SND1: variants seen among roughly 807,000 people sequenced by gnomAD.
SND1 encodes staphylococcal nuclease domain-containing protein 1.
Under a neutral mutation model 121.7 loss-of-function variants are expected in SND1, and 38 were observed. The ratio of observed to expected loss-of-function variants is 0.31; its 90% CI spans 0.24 to 0.41. The LOEUF (loss-of-function observed/expected upper bound fraction) is 0.41. SND1 is among the 10% of genes least tolerant of loss of function. SND1 has a pLI of 1.00. For synonymous variants in SND1, 401 were observed against 447.4 expected (o/e 0.90, Z 1.31); for missense variants, 868 against 1,184.6 (o/e 0.73, Z 3.92).
intron 1 of SND1, among the ~76,000 whole-genome samples, chr7:127,669,633 T>C (rs1458813908): frequency 3.9e-5 from 6 of 152,214 alleles, no homozygotes; most frequent in Non-Finnish European, 8.8e-5. Context: ...TCTCAGTAGA[T>C]TTACCCCAAA....
At position 128,074,574 on chromosome 7, in the gene SND1, C is replaced by A. The variant is rs1399103943; in HGVS notation, c.1852C>A (p.Leu618Met). Residue 618 changes from leucine to methionine, a missense_variant, in exon 17 of 24, where the codon CTG becomes ATG. Leu to Met is a conservative substitution (Grantham distance 15). Transcript: ENST00000354725. ...CTGGCTGCACATCGACGGTGCCAAC[C>A]TGTCCGTCCTGCTGGTGGAGCACGC... ...IGWLHIDGAN[L>M]SVLLVEHALS... 1 of 1,613,618 alleles carries A rather than the reference C, an allele frequency of 6.2e-7. No homozygotes were observed. Among genetic ancestry groups the A allele is most frequent in the East Asian group, 2.2e-5 (1 of 44,886 alleles).
At chr7:128,040,831 C>A (rs943889077) in intron 16 of SND1, among the ~76,000 whole-genome samples, 6 of 152,228 alleles carry the variant, frequency 3.9e-5, no homozygotes, top group African/African-American at 1.4e-4. Context: ...CTTTCTTGAT[C>A]TGTTGTTCAT....
chr7:127,720,812 T>G (rs1587619167), intron 9 of SND1, among the ~76,000 whole-genome samples: 1 of 152,314 alleles, frequency 6.6e-6, no homozygotes, highest in Middle Eastern at 3.4e-3. Context: ...GCCCTTCACT[T>G]GCCTTTGATT....
intron 12 of SND1, among the ~76,000 whole-genome samples, chr7:127,884,089 A>G (rs947127473): frequency 3.3e-4 from 50 of 152,106 alleles, no homozygotes; most frequent in African/African-American, 1.2e-3. Flanking sequence ...TTTTATTCAA[A>G]CAGTTATAAT....
chr7:127,744,982 A>G (rs1587635210), intron 10 of SND1, among the ~76,000 whole-genome samples: 1 of 152,256 alleles, frequency 6.6e-6, no homozygotes, highest in East Asian at 1.9e-4. Context: ...AACTTCTGTT[A>G]CATTCATAAA....
intron 15 of SND1, among the ~76,000 whole-genome samples, chr7:127,983,492 C>T (rs938434482): frequency 1.3e-5 from 2 of 152,080 alleles, no homozygotes; most frequent in Non-Finnish European, 2.9e-5. Flanking sequence ...ACTCTTGCCT[C>T]CTGTTCCTCT....
intron 12 of SND1, among the ~76,000 whole-genome samples, chr7:127,862,792 G>C (rs1442311555): frequency 1.3e-5 from 2 of 152,190 alleles, no homozygotes; most frequent in Admixed American, 6.5e-5. Flanking sequence ...TGCTGCTGAA[G>C]AGGTGAACAC....
intron 10 of SND1, among the ~76,000 whole-genome samples, chr7:127,802,920 A>G (rs1284873108): frequency 6.6e-6 from 1 of 152,174 alleles, no homozygotes; most frequent in African/African-American, 2.4e-5. Context: ...TTCAGAATGT[A>G]TCCAGTTCTG....
rs1269703885 is a variant in SND1 at position 128,089,581 on chromosome 7, C to A, written c.2511C>A (p.Cys837Ter). 6.2e-7 allele frequency: 1 copy of A among 1,614,108 alleles called. No homozygotes were observed. The highest frequency in any genetic ancestry group is 2.2e-5 in the East Asian group (1 of 44,892). ...ACGTGGAACACCTGAGTGCCGGCTG[C>A]CCCCATGTCACCCTGCAGTTTGCAG... ...LLNVEHLSAGCPHVTLQFADS... is the reference protein window; with the variant it reads ...LLNVEHLSAG The change falls in exon 22 of 24, where the codon TGC becomes TGA. Residue 837 changes from cysteine (C) to a stop codon, truncating the protein, a stop_gained. Coordinates refer to ENST00000354725, the MANE Select transcript of SND1 (RefSeq NM_014390.4). LOFTEE classifies it high-confidence loss of function.
chr7:127,969,868 T>C (rs370978149), intron 15 of SND1, among the ~76,000 whole-genome samples: 11 of 152,252 alleles, frequency 7.2e-5, no homozygotes, highest in Non-Finnish European at 1.3e-4. Flanking sequence ...ATATGCCCTT[T>C]ATAATCCCCG....
At chr7:127,778,194 T>TTTAC (rs1168927929) in intron 10 of SND1, among the ~76,000 whole-genome samples, 3 of 151,482 alleles carry the variant, frequency 2.0e-5, no homozygotes, top group South Asian at 4.2e-4. Flanking sequence ...TATTTATTTA[T>TTTAC]TTATTTATTT....
rs537179620 is a variant in SND1 at position 127,718,487 on chromosome 7, C to T, written c.1039-2800C>T. 2.5e-4 allele frequency: 184 copies of T among 744,384 alleles called. 4 individuals carry two copies. In the Admixed American group the frequency reaches 8.9e-3, roughly 36 times the overall value. 46.1% of individuals were successfully genotyped at this position (744,384 alleles called of 1,614,324 possible). A position where few individuals can be genotyped will look rare whatever the true frequency, so the allele number is the denominator to read the frequency against. On this transcript the variant is annotated intron_variant, in intron 9 of 23. Transcript: ENST00000354725. ...CATAAACCCCACTTATACACACACG[C>T]GGACACGCACGCATGCACTCACCCT...
At chr7:127,700,768 T>A (rs1796086715) in intron 4 of SND1, among the ~76,000 whole-genome samples, 1 of 152,080 alleles carries the variant, frequency 6.6e-6, no homozygotes, top group Non-Finnish European at 1.5e-5. Flanking sequence ...AAAGAGTGGT[T>A]CTTAGTCGGC....
intron 10 of SND1, among the ~76,000 whole-genome samples, chr7:127,729,256 T>C (rs374304607): frequency 3.9e-5 from 6 of 152,254 alleles, no homozygotes; most frequent in Admixed American, 3.9e-4. Flanking sequence ...TTGAAGTTTA[T>C]AGTTGCAGTT....
At chr7:127,744,827 A>T (rs1216030811) in intron 10 of SND1, among the ~76,000 whole-genome samples, 1 of 152,204 alleles carries the variant, frequency 6.6e-6, no homozygotes, top group African/African-American at 2.4e-5. Context: ...CCTGTTTGTA[A>T]AGACACACCC....
chr7:128,006,077 G>A (rs1349013959), intron 16 of SND1, among the ~76,000 whole-genome samples: 3 of 152,190 alleles, frequency 2.0e-5, no homozygotes, highest in African/African-American at 7.2e-5. Flanking sequence ...GACCCTGGGG[G>A]AATGTGAGGT....
chr7:127,940,082 C>G (rs577672188), intron 15 of SND1, among the ~76,000 whole-genome samples: 7 of 152,256 alleles, frequency 4.6e-5, no homozygotes, highest in African/African-American at 1.4e-4. Flanking sequence ...CCTTCTCCTT[C>G]CCTCCTACTT....
At chr7:127,690,514 C>T (rs78716367) in intron 2 of SND1, among the ~76,000 whole-genome samples, 2 of 152,340 alleles carry the variant, frequency 1.3e-5, no homozygotes, top group East Asian at 3.9e-4. Context: ...TTCCTTTCAT[C>T]ATCCCATCTT....
At chr7:127,970,944 T>TATAAATAA (rs139307706) in intron 15 of SND1, among the ~76,000 whole-genome samples, 209 of 151,856 alleles carry the variant, frequency 1.4e-3, no homozygotes, top group Middle Eastern at 0.01. Context: ...ACCCTGTCTC[T>TATAAATAA]ATAAATAAAT....
Sources: gnomAD v4.1 joint callset for allele counts (sites outside exome capture counted in the v4.1 genomes callset) on GRCh38, gnomAD v4.1.1 for gene constraint, MANE v1.5 for transcripts, NCBI Gene and HGNC (gene_info 2026-07-23, HGNC 2026-07-21) for gene names.